The following RORA variants were observed in gnomAD, a reference collection of about 807,000 sequenced individuals.
RORA encodes RAR related orphan receptor A, also known as nuclear receptor ROR-alpha.
Under a neutral mutation model 69.5 loss-of-function variants are expected in RORA, and 7 were observed. The observed-to-expected ratio is 0.10, with a 90% CI of 0.06 to 0.19. The LOEUF (loss-of-function observed/expected upper bound fraction) is 0.19, where lower values mean the gene tolerates loss of function less well. Among genes scored for constraint, RORA ranks in the 10% least tolerant of loss-of-function variants. RORA has a pLI of 1.00. For synonymous variants in RORA, 261 were observed against 240.8 expected, an observed-to-expected ratio of 1.08 and a Z score of -0.78; for missense variants, 457 against 663.0, an observed-to-expected ratio of 0.69 and a Z score of 3.41.
At chr15:60,811,033 T>C (rs2072735719) in intron 1 of RORA, among the ~76,000 whole-genome samples, 1 of 152,168 alleles carries the variant, frequency 6.6e-6, no homozygotes, top group South Asian at 2.1e-4. Flanking sequence ...TGGCTGCTAT[T>C]GTGTGGGAGA....
At chr15:60,978,624 T>C (rs1198134611) in intron 1 of RORA, among the ~76,000 whole-genome samples, 1 of 152,210 alleles carries the variant, frequency 6.6e-6, no homozygotes, top group Non-Finnish European at 1.5e-5. Flanking sequence ...TTTATACCTA[T>C]GTTTCTTTCT....
At chr15:60,850,516 G>A (rs1481829079) in intron 1 of RORA, among the ~76,000 whole-genome samples, 2 of 152,126 alleles carry the variant, frequency 1.3e-5, no homozygotes, top group African/African-American at 4.8e-5. Context: ...GGATAATAAT[G>A]ATATCCTCCT....
chr15:60,584,172 T>G (rs1458982566), intron 2 of RORA, among the ~76,000 whole-genome samples: 1 of 152,242 alleles, frequency 6.6e-6, no homozygotes, highest in Non-Finnish European at 1.5e-5. Context: ...AGATGCTGTG[T>G]AAATACATGC....
At position 60,491,332 on chromosome 15, in the gene RORA, A is replaced by G. The variant is rs948784502; in HGVS notation, c.*6123T>C. On this transcript the variant is annotated 3_prime_UTR_variant, in exon 11 of 11. Coordinates refer to ENST00000335670, the MANE Select transcript of RORA (RefSeq NM_134261.3). ...ATGGCATGTGCAACATGTCAAAGCT[A>G]ATAGCAAGCTATCTTTCATTAGTTC... 6.6e-6 allele frequency: 1 copy of G among 152,190 alleles called. No homozygotes were observed. Among genetic ancestry groups the G allele is most frequent in the African/African-American group, 2.4e-5 (1 of 41,446 alleles). The allele number at this position is 152,190 out of a possible 1,614,324, so 9.4% of individuals were successfully genotyped here.
chr15:60,516,396 C>G (rs1482962528), intron 3 of RORA, among the ~76,000 whole-genome samples: 3 of 146,500 alleles, frequency 2.0e-5, no homozygotes, highest in African/African-American at 5.1e-5. Flanking sequence ...ACCTTTTTAT[C>G]TTTTTATTGC....
intron 1 of RORA, among the ~76,000 whole-genome samples, chr15:61,022,689 T>G (rs66698157): frequency 0.075 from 11,351 of 152,240 alleles, 513 homozygotes; most frequent in Non-Finnish European, 0.09. Context: ...AGACACATTG[T>G]GGCAAAGAGT....
intron 1 of RORA, among the ~76,000 whole-genome samples, chr15:60,943,349 A>C (rs1320029836): frequency 6.6e-6 from 1 of 151,702 alleles, no homozygotes; most frequent in Non-Finnish European, 1.5e-5. Flanking sequence ...AGGAACGTCA[A>C]TTCTGATTCT....
chr15:60,845,458 T>G (rs951303008), intron 1 of RORA, among the ~76,000 whole-genome samples: 3 of 152,176 alleles, frequency 2.0e-5, no homozygotes, highest in African/African-American at 7.2e-5. Flanking sequence ...GGCAATCTTT[T>G]GATGATTCTT....
intron 1 of RORA, among the ~76,000 whole-genome samples, chr15:60,804,287 CAAAAAAAAAA>C (rs5813037): frequency 3.4e-5 from 2 of 58,168 alleles, no homozygotes; most frequent in Non-Finnish European, 6.4e-5. Flanking sequence ...AACTCCATCT[CAAAAAAAAAA>C]AAAAAAAAAA....
chr15:61,133,609 G>A (rs1263972431), intron 1 of RORA, among the ~76,000 whole-genome samples: 1 of 152,116 alleles, frequency 6.6e-6, no homozygotes, highest in African/African-American at 2.4e-5. Flanking sequence ...GCCAAGGAGG[G>A]CCCAGACAGA....
At chr15:60,655,688 T>G (rs2070211682) in intron 2 of RORA, among the ~76,000 whole-genome samples, 1 of 152,096 alleles carries the variant, frequency 6.6e-6, no homozygotes, top group Admixed American at 6.6e-5. Context: ...TCTCTTTGGA[T>G]GTTCATTTTC....
At chr15:60,930,806 C>A (rs1035153726) in intron 1 of RORA, among the ~76,000 whole-genome samples, 1 of 152,100 alleles carries the variant, frequency 6.6e-6, no homozygotes, top group Non-Finnish European at 1.5e-5. Context: ...CTTTGAGGTC[C>A]GTGAGCAGAG....
chr15:61,080,548 T>C (rs899588444), intron 1 of RORA, among the ~76,000 whole-genome samples: 3 of 152,328 alleles, frequency 2.0e-5, no homozygotes, highest in South Asian at 4.1e-4. Context: ...AAAAAGGGCA[T>C]GGCTCAAATG....
intron 1 of RORA, among the ~76,000 whole-genome samples, chr15:61,066,828 A>G (rs77335247): frequency 0.012 from 1,796 of 146,118 alleles, 32 homozygotes; most frequent in African/African-American, 0.044. Flanking sequence ...AAGAGTCCAA[A>G]TCTTCCTTCT....
At chr15:60,630,580 G>A (rs944930113) in intron 2 of RORA, 1 of 152,252 alleles carries the variant, frequency 6.6e-6, no homozygotes, top group African/African-American at 2.4e-5. Flanking sequence ...AGGTAGGGGT[G>A]GGCAGTGGAA....
chr15:61,102,591 T>C (rs897207867), intron 1 of RORA, among the ~76,000 whole-genome samples: 14 of 152,220 alleles, frequency 9.2e-5, no homozygotes, highest in African/African-American at 2.7e-4. Flanking sequence ...AGCACATTTT[T>C]GTTTTCTTGC....
At chr15:60,554,326 C>A (rs1312663077) in intron 2 of RORA, among the ~76,000 whole-genome samples, 1 of 152,044 alleles carries the variant, frequency 6.6e-6, no homozygotes, top group Non-Finnish European at 1.5e-5. Flanking sequence ...TATTTTCTGT[C>A]CTCATTCAAA....
intron 1 of RORA, among the ~76,000 whole-genome samples, chr15:60,980,490 T>C (rs970925703): frequency 2.6e-5 from 4 of 152,164 alleles, no homozygotes; most frequent in African/African-American, 9.6e-5. Flanking sequence ...TAGAATCCAT[T>C]GATGGAGTCA....
At chr15:60,804,620 T>C (rs890311525) in intron 1 of RORA, among the ~76,000 whole-genome samples, 6 of 152,186 alleles carry the variant, frequency 3.9e-5, no homozygotes, top group Non-Finnish European at 5.9e-5. Context: ...TTAAGCTCCA[T>C]TGGTAATTAA....
Sources: gnomAD v4.1 joint callset for allele counts (sites outside exome capture counted in the v4.1 genomes callset) on GRCh38, gnomAD v4.1.1 for gene constraint, MANE v1.5 for transcripts, NCBI Gene and HGNC (gene_info 2026-07-23, HGNC 2026-07-21) for gene names.